Variants in PPM1L observed in about 807,000 individuals in gnomAD.
PPM1L encodes protein phosphatase 1L.
Under a neutral mutation model 31.4 loss-of-function variants are expected in PPM1L, and 13 were observed. The ratio of observed to expected loss-of-function variants is 0.41; its 90% confidence interval spans 0.27 to 0.66. The LOEUF is 0.66. PPM1L is among the 30% of genes least tolerant of loss of function. The probability of loss-of-function intolerance (pLI) is 0.29; values close to 1 mark genes in which losing one functional copy is unlikely to be tolerated. For synonymous variants in PPM1L, 184 were observed against 175.4 expected (o/e 1.05, Z -0.39); for missense variants, 326 against 453.7 (o/e 0.72, Z 2.56).
chr3:160,844,824 T>G (rs1327993751), intron 1 of PPM1L, among the ~76,000 whole-genome samples: 1 of 152,108 alleles, frequency 6.6e-6, no homozygotes, highest in Non-Finnish European at 1.5e-5. Flanking sequence ...GTTGTGCAAC[T>G]GTCATTCTGA....
intron 1 of PPM1L, among the ~76,000 whole-genome samples, chr3:160,839,728 T>C (rs1227247457): frequency 6.6e-6 from 1 of 152,206 alleles, no homozygotes; most frequent in Non-Finnish European, 1.5e-5. Flanking sequence ...GTCTTGTGAC[T>C]GTGGTCAGTG....
At chr3:161,056,042 A>G (rs763249011) in intron 2 of PPM1L, among the ~76,000 whole-genome samples, 2 of 152,152 alleles carry the variant, frequency 1.3e-5, no homozygotes, top group African/African-American at 2.4e-5. Context: ...GGATTTTCAT[A>G]AAATAAGGAT....
chr3:160,798,386 G>A (rs1296510001), intron 1 of PPM1L, among the ~76,000 whole-genome samples: 2 of 152,164 alleles, frequency 1.3e-5, no homozygotes, highest in East Asian at 3.9e-4. Context: ...CAAAGGACAA[G>A]CTGACTCTCT....
At chr3:160,986,088 G>A (rs1021588931) in intron 2 of PPM1L, among the ~76,000 whole-genome samples, 2 of 152,124 alleles carry the variant, frequency 1.3e-5, no homozygotes, top group African/African-American at 4.8e-5. Flanking sequence ...AACCTGCCTA[G>A]CAAATAATAA....
intron 1 of PPM1L, among the ~76,000 whole-genome samples, chr3:160,875,264 AAG>A (rs1200093478): frequency 1.3e-5 from 2 of 152,222 alleles, no homozygotes; most frequent in African/African-American, 4.8e-5. Context: ...CTTACAGTTT[AAG>A]AGAGTGTCAT....
intron 1 of PPM1L, among the ~76,000 whole-genome samples, chr3:160,805,961 T>C (rs1195710417): frequency 1.3e-5 from 2 of 152,158 alleles, no homozygotes; most frequent in Non-Finnish European, 2.9e-5. Context: ...ATTCTTGCCA[T>C]GGCTGGAAAA....
intron 1 of PPM1L, among the ~76,000 whole-genome samples, chr3:160,917,345 G>A (rs943098917): frequency 1.3e-5 from 2 of 152,020 alleles, no homozygotes; most frequent in East Asian, 1.9e-4. Context: ...ACTTTATTAT[G>A]TAAACTATAG....
At chr3:160,784,511 C>T (rs1286485599) in intron 1 of PPM1L, among the ~76,000 whole-genome samples, 1 of 152,134 alleles carries the variant, frequency 6.6e-6, no homozygotes, top group Non-Finnish European at 1.5e-5. Context: ...AAAAAAGCCA[C>T]ACAATGTAAA....
At chr3:160,983,953 A>G (rs935480234) in intron 2 of PPM1L, among the ~76,000 whole-genome samples, 8 of 152,226 alleles carry the variant, frequency 5.3e-5, no homozygotes, top group Non-Finnish European at 1.0e-4. Flanking sequence ...TTTAAGGGCA[A>G]CAAAAGATCA....
At chr3:160,936,610 G>A (rs911835367) in intron 1 of PPM1L, among the ~76,000 whole-genome samples, 1 of 152,200 alleles carries the variant, frequency 6.6e-6, no homozygotes, top group African/African-American at 2.4e-5. Context: ...TTTTGCTTGT[G>A]TAATTATGCC....
In PPM1L at chr3:160,779,697, A is replaced by AT. The variant is rs111682834; in HGVS notation, c.399+23004dup. Among the ~76,000 whole-genome samples, 240 of 137,832 alleles carry AT rather than the reference A, an allele frequency of 1.7e-3. 1 individual carries two copies. Among genetic ancestry groups the AT allele is most frequent in the East Asian group, 0.012 (57 of 4,658 alleles). 90.4% of individuals were successfully genotyped at this position (137,832 alleles called of 152,430 possible). A position where few individuals can be genotyped will look rare whatever the true frequency, so the allele number is the denominator to read the frequency against. On this transcript the variant is annotated intron_variant, in intron 1 of 3. Coordinates refer to ENST00000498165, the MANE Select transcript of PPM1L (RefSeq NM_139245.4). ...ACCATTATGCCCTGATAATTTTTGT[A>AT]TTTTTTTTTTTTTTAGTAGAGACGG...
chr3:160,804,018 C>T (rs1712519643), intron 1 of PPM1L, among the ~76,000 whole-genome samples: 1 of 152,104 alleles, frequency 6.6e-6, no homozygotes, highest in Non-Finnish European at 1.5e-5. Context: ...CCCAGATTCA[C>T]ACCATTCTCC....
chr3:160,810,606 AT>A (rs1319554196), intron 1 of PPM1L, among the ~76,000 whole-genome samples: 2 of 152,198 alleles, frequency 1.3e-5, no homozygotes, highest in Non-Finnish European at 2.9e-5. Flanking sequence ...CCAAAGTTGT[AT>A]TGCCCAGACC....
At chr3:160,859,373 A>G (rs967074421) in intron 1 of PPM1L, among the ~76,000 whole-genome samples, 2 of 152,204 alleles carry the variant, frequency 1.3e-5, no homozygotes, top group African/African-American at 4.8e-5. Flanking sequence ...TCTACATTGC[A>G]TGATTCCTTG....
At chr3:161,038,779 C>G (rs374501237) in intron 2 of PPM1L, among the ~76,000 whole-genome samples, 2 of 152,088 alleles carry the variant, frequency 1.3e-5, no homozygotes, top group East Asian at 3.9e-4. Flanking sequence ...ACCAGAGCAA[C>G]TCTATCTTAA....
At chr3:160,923,370 G>A (rs1200804445) in intron 1 of PPM1L, among the ~76,000 whole-genome samples, 4 of 152,034 alleles carry the variant, frequency 2.6e-5, no homozygotes, top group Admixed American at 2.6e-4. Context: ...ATATTTTATT[G>A]TTCTGAAGAG....
intron 1 of PPM1L, among the ~76,000 whole-genome samples, chr3:160,798,212 G>A (rs1055647374): frequency 1.1e-4 from 16 of 152,184 alleles, no homozygotes; most frequent in Middle Eastern, 3.4e-3. Context: ...AAAAATGCCA[G>A]GTGAAGCAGC....
chr3:160,907,558 A>G (rs987575421), intron 1 of PPM1L, among the ~76,000 whole-genome samples: 2 of 151,982 alleles, frequency 1.3e-5, no homozygotes, highest in African/African-American at 2.4e-5. Context: ...TCCCTCTTGT[A>G]TATATAAGTG....
intron 2 of PPM1L, among the ~76,000 whole-genome samples, chr3:160,975,805 C>G (rs1716549101): frequency 1.3e-5 from 2 of 151,598 alleles, no homozygotes; most frequent in Non-Finnish European, 2.9e-5. Flanking sequence ...GATATACAAT[C>G]ATGTCATCTG....
Sources: gnomAD v4.1 joint callset for allele counts (sites outside exome capture counted in the v4.1 genomes callset) on GRCh38, gnomAD v4.1.1 for gene constraint, MANE v1.5 for transcripts, NCBI Gene and HGNC (gene_info 2026-07-23, HGNC 2026-07-21) for gene names.